MEF2D: variants seen among roughly 807,000 people sequenced by gnomAD.
The protein encoded by MEF2D is myocyte enhancer factor 2D.
In MEF2D, 10 loss-of-function variants were observed where a neutral mutation model predicts 59.3. The ratio of observed to expected loss-of-function variants is 0.17; its 90% CI spans 0.10 to 0.29. MEF2D has a LOEUF of 0.29. MEF2D is among the 10% of genes least tolerant of loss of function. MEF2D has a pLI of 1.00. For synonymous variants in MEF2D, 305 were observed against 295.0 expected (o/e 1.03, Z -0.35); for missense variants, 508 against 699.4 (o/e 0.73, Z 3.09).
intron 1 of MEF2D, among the ~76,000 whole-genome samples, chr1:156,499,235 G>C (rs997478666): frequency 6.6e-6 from 1 of 152,168 alleles, no homozygotes; most frequent in African/African-American, 2.4e-5. Context: ...CCACTGAAGG[G>C]ATAGGAGGAG....
rs955294494 is a variant in MEF2D, at chr1:156,465,787, C to T, written c.*1858G>A. On this transcript the variant is annotated 3_prime_UTR_variant, in exon 12 of 12. Transcript: ENST00000348159. ...CGTGTGTACCTGCGTAGAGGCCCCT[C>T]TGCTTCTGGTTCCTTCCCTGCATCA... 3 of 152,246 alleles carry T rather than the reference C, an allele frequency of 2.0e-5. No homozygotes were observed. The highest frequency in any genetic ancestry group is 4.4e-5 in the Non-Finnish European group (3 of 68,062). The allele number at this position is 152,246 out of a possible 1,614,324, so 9.4% of individuals were successfully genotyped here. A position where few individuals can be genotyped will look rare whatever the true frequency, so the allele number is the denominator to read the frequency against.
chr1:156,476,895 T>C (rs1306218930), intron 7 of MEF2D, 117 bp downstream of exon 7: 1 of 1,226,212 alleles, frequency 8.2e-7, no homozygotes, highest in Non-Finnish European at 1.2e-6. Context: ...CCAAGATTTA[T>C]CTTGGGAAGT....
At chr1:156,467,874 C>CGGAA in intron 11 of MEF2D, 119 bp downstream of exon 11, 2 of 1,335,978 alleles carry the variant, frequency 1.5e-6, no homozygotes, top group Non-Finnish European at 1.0e-6. Context: ...GAAGGGCTGG[C>CGGAA]GGAAGGGGTA....
At chr1:156,498,001 C>A (rs1283711921) in intron 1 of MEF2D, among the ~76,000 whole-genome samples, 3 of 151,126 alleles carry the variant, frequency 2.0e-5, no homozygotes, top group Non-Finnish European at 2.9e-5. Flanking sequence ...GGCCAAGGCA[C>A]CTCCCACTCC....
At position 156,466,044 on chromosome 1, in the gene MEF2D, G is replaced by A. The variant is rs1184930108; in HGVS notation, c.*1601C>T. ...GGGCGGGGGGTGATCCTAGAGAGCAGGCTGGGGGCCTGCCCCCTCTGGTTT... is the reference window on the plus strand; with the variant it reads ...GGGCGGGGGGTGATCCTAGAGAGCAAGCTGGGGGCCTGCCCCCTCTGGTTT... On this transcript the variant is annotated 3_prime_UTR_variant, in exon 12 of 12. Coordinates refer to ENST00000348159, the MANE Select transcript of MEF2D (RefSeq NM_005920.4). 6.6e-6 allele frequency: 1 copy of A among 152,192 alleles called. No individual in the cohort carries two copies. The highest frequency in any genetic ancestry group is 1.9e-4 in the East Asian group (1 of 5,160). 9.4% of individuals were successfully genotyped at this position (152,192 alleles called of 1,614,324 possible). A position where few individuals can be genotyped will look rare whatever the true frequency, so the allele number is the denominator to read the frequency against.
At chr1:156,497,956 A>C (rs989825986) in intron 1 of MEF2D, among the ~76,000 whole-genome samples, 58 of 151,646 alleles carry the variant, frequency 3.8e-4, no homozygotes, top group African/African-American at 1.4e-3. Flanking sequence ...GCTGGGCCAT[A>C]ATCAATGAGG....
chr1:156,499,930 T>C (rs1194326541), intron 1 of MEF2D, among the ~76,000 whole-genome samples: 1 of 151,448 alleles, frequency 6.6e-6, no homozygotes, highest in Non-Finnish European at 1.5e-5. Flanking sequence ...TACCCCGGTG[T>C]CATCTGAACA....
chr1:156,491,279 T>C (rs1672773113), intron 1 of MEF2D, among the ~76,000 whole-genome samples: 1 of 152,180 alleles, frequency 6.6e-6, no homozygotes, highest in African/African-American at 2.4e-5. Flanking sequence ...GTATTATGGG[T>C]AGCTGGGTGG....
intron 11 of MEF2D, 36 bp from the exon 12 acceptor site, chr1:156,467,692 G>C: frequency 1.5e-6 from 2 of 1,350,740 alleles, no homozygotes; most frequent in South Asian, 2.6e-5. Flanking sequence ...GGGTGTGAGG[G>C]GGTGGCCCAG....
intron 1 of MEF2D, among the ~76,000 whole-genome samples, chr1:156,494,259 C>A (rs992797967): frequency 1.3e-5 from 2 of 152,074 alleles, no homozygotes; most frequent in East Asian, 3.9e-4. Flanking sequence ...CCAAGCCCCA[C>A]TCTCCTCACT....
intron 9 of MEF2D, among the ~76,000 whole-genome samples, chr1:156,473,530 C>T (rs1260638499): frequency 6.6e-6 from 1 of 152,170 alleles, no homozygotes; most frequent in Non-Finnish European, 1.5e-5. Flanking sequence ...GCCCAGGTTC[C>T]CCAGCCACAT....
At chr1:156,488,441 G>C (rs951985341) in intron 1 of MEF2D, among the ~76,000 whole-genome samples, 2 of 152,178 alleles carry the variant, frequency 1.3e-5, no homozygotes, top group African/African-American at 2.4e-5. Context: ...CAGCAGGGAG[G>C]ATGCAGGGCA....
chr1:156,495,859 T>TCTAGAGCC (rs1673102130), intron 1 of MEF2D, among the ~76,000 whole-genome samples: 1 of 143,328 alleles, frequency 7.0e-6, no homozygotes, highest in Non-Finnish European at 1.5e-5. Flanking sequence ...CAAGCCAAGG[T>TCTAGAGCC]CAGTGACCAG....
intron 8 of MEF2D, 78 bp from the exon 9 acceptor site, chr1:156,475,315 G>A: frequency 6.8e-7 from 1 of 1,476,456 alleles, no homozygotes; most frequent in Non-Finnish European, 9.0e-7. Context: ...CAAGGCCAAG[G>A]TGGGGTTCCT....
At chr1:156,477,469 C>A (rs1313562891) in intron 6 of MEF2D, among the ~76,000 whole-genome samples, 1 of 152,204 alleles carries the variant, frequency 6.6e-6, no homozygotes, top group African/African-American at 2.4e-5. Context: ...ACTCTGAAGT[C>A]AGTGGGAAGA....
At chr1:156,491,881 A>G (rs1473308766) in intron 1 of MEF2D, among the ~76,000 whole-genome samples, 2 of 152,160 alleles carry the variant, frequency 1.3e-5, no homozygotes, top group Admixed American at 6.5e-5. Flanking sequence ...ATCCGTAGGC[A>G]CTTGCGGACA....
At chr1:156,498,306 C>A (rs1172205187) in intron 1 of MEF2D, among the ~76,000 whole-genome samples, 1 of 152,008 alleles carries the variant, frequency 6.6e-6, no homozygotes, top group Non-Finnish European at 1.5e-5. Context: ...AGTCCTCCAC[C>A]AATCTTTCAG....
chr1:156,467,472 T>TATA lies in MEF2D; in HGVS notation c.*170_*172dup, dbSNP rs748414721. ...AAGCGAGAATCCAAATTAAAAAAAA[T>TATA]ATAATAATAATAATAATAATATAAT... is the stretch of plus-strand genomic sequence containing the variant. On this transcript the variant is annotated 3_prime_UTR_variant, in exon 12 of 12. Transcript: ENST00000348159. 107 of 315,768 alleles carry TATA rather than the reference T, an allele frequency of 3.4e-4. No homozygotes were observed. The highest frequency in any genetic ancestry group is 6.6e-4 in the African/African-American group (30 of 45,160). 19.6% of individuals were successfully genotyped at this position (315,768 alleles called of 1,614,324 possible).
chr1:156,495,175 C>G (rs1673057708), intron 1 of MEF2D, among the ~76,000 whole-genome samples: 1 of 152,182 alleles, frequency 6.6e-6, no homozygotes, highest in East Asian at 1.9e-4. Context: ...GGCTGATTCT[C>G]TGCCCTCTGC....
Sources: allele counts gnomAD v4.1 joint callset (sites outside exome capture counted in the v4.1 genomes callset), GRCh38; gene constraint gnomAD v4.1.1; transcripts MANE v1.5; gene names NCBI Gene and HGNC (gene_info 2026-07-23, HGNC 2026-07-21).